The following CNPY2 variants were observed in gnomAD, a reference collection of about 807,000 sequenced individuals.
CNPY2 encodes the protein canopy FGF signaling regulator 2.
A neutral mutation model predicts 25.5 loss-of-function variants in CNPY2; 19 were observed. That is an observed-to-expected ratio of 0.74 (90% CI 0.52 to 1.09). The LOEUF is 1.09. Ranked by LOEUF, CNPY2 falls within the 50% of genes least tolerant of loss-of-function variation. The probability of loss-of-function intolerance (pLI) is 0.00; values close to 1 mark genes in which losing one functional copy is unlikely to be tolerated. For missense variants in CNPY2, 214 were observed against 233.6 expected (o/e 0.92, Z 0.55); for synonymous variants, 82 against 85.0 (o/e 0.96, Z 0.19).
In CNPY2 at chr12:56,311,025, A is replaced by C. The variant is rs1322283488; in HGVS notation, c.438T>G (p.Asp146Glu). ...CTCGGGAAAAGAATTCAATGAGTTC[A>C]TCCTCGTATTCCTCCACAATGCTCT... is the stretch of plus-strand genomic sequence containing the variant. ...ACESIVEEYEDELIEFFSREA... is the reference protein window; with the variant it reads ...ACESIVEEYEEELIEFFSREA... Residue 146 changes from aspartate (D) to glutamate (E), a missense_variant, in exon 5 of 6, where the codon GAT becomes GAG. Physicochemically the swap from Asp to Glu is conservative, Grantham distance 45. Coordinates refer to ENST00000273308, the MANE Select transcript of CNPY2 (RefSeq NM_014255.7). 1 of 1,614,198 alleles carries C rather than the reference A, an allele frequency of 6.2e-7. No homozygotes were observed. Among genetic ancestry groups the C allele is most frequent in the Non-Finnish European group, 8.5e-7 (1 of 1,180,048 alleles).
chr12:56,314,163 A>C (rs1873807088), intron 3 of CNPY2, among the ~76,000 whole-genome samples: 1 of 151,738 alleles, frequency 6.6e-6, no homozygotes, highest in Non-Finnish European at 1.5e-5. Context: ...TTGGCCTCCC[A>C]AAGTGCTGGG....
chr12:56,311,365 AT>A lies in CNPY2; in HGVS notation c.253del (p.Ile85TyrfsTer5). 4 of 1,614,084 alleles carry A rather than the reference AT, an allele frequency of 2.5e-6. No homozygotes were observed. Among genetic ancestry groups the A allele is most frequent in the Non-Finnish European group, 3.4e-6 (4 of 1,180,026 alleles). Reference sequence around the variant, plus strand: ...CCCATACTCCTTCATCCGGTCACATATCTCCTCCAGCAGCTCTGTGAGGTGG... The same window carrying A: ...CCCATACTCCTTCATCCGGTCACATACTCCTCCAGCAGCTCTGTGAGGTGG... ...EAHLTELLEE[I>X]CDRMKEYGEQ... On this transcript the variant is annotated frameshift_variant, in exon 4 of 6. Coordinates refer to ENST00000273308, the MANE Select transcript of CNPY2 (RefSeq NM_014255.7). LOFTEE classifies it high-confidence loss of function.
intron 3 of CNPY2, chr12:56,314,499 T>G: frequency 3.5e-6 from 4 of 1,143,844 alleles, no homozygotes; most frequent in Non-Finnish European, 4.3e-6. Flanking sequence ...CTTTTATTCT[T>G]ATTTCTGTTT....
chr12:56,310,535 T>C lies in CNPY2; in HGVS notation c.*17A>G, dbSNP rs1565627510. On this transcript the variant is annotated 3_prime_UTR_variant, in exon 6 of 6. Transcript: ENST00000273308. ...CTGGGGGTGATCCATCAAGCCAGTG[T>C]GGGCTGCTCCAGTGGTTCATAGCTC... is the stretch of plus-strand genomic sequence containing the variant. 1 of 1,613,994 alleles carries C rather than the reference T, an allele frequency of 6.2e-7. No homozygotes were observed. The highest frequency in any genetic ancestry group is 1.3e-5 in the African/African-American group (1 of 75,068).
intron 4 of CNPY2, 32 bp from the exon 5 acceptor site, chr12:56,311,086 G>A: frequency 6.2e-7 from 1 of 1,610,020 alleles, no homozygotes; most frequent in Non-Finnish European, 8.5e-7. Context: ...GGGTGACACA[G>A]GGCAATAAGA....
At chr12:56,313,646 C>T (rs760884105) in intron 3 of CNPY2, among the ~76,000 whole-genome samples, 1 of 150,232 alleles carries the variant, frequency 6.7e-6, no homozygotes, top group Non-Finnish European at 1.5e-5. Context: ...CGCTGTGTCG[C>T]CCAGGCTAGA....
At position 56,310,214 on chromosome 12, in the gene CNPY2, G is replaced by C; in HGVS notation, c.*338C>G. On this transcript the variant is annotated 3_prime_UTR_variant, in exon 6 of 6. Transcript: ENST00000273308. ...TTCTCCACAATTAGACTCTAAAGAC[G>C]TGGTATTGAGTGGGCACTGACTGAA... 1 of 601,662 alleles carries C rather than the reference G, an allele frequency of 1.7e-6. No individual in the cohort carries two copies. Among genetic ancestry groups the C allele is most frequent in the Admixed American group, 3.0e-5 (1 of 33,626 alleles). 37.3% of individuals were successfully genotyped at this position (601,662 alleles called of 1,614,324 possible).
At chr12:56,315,516 T>C (rs1873890949) in intron 1 of CNPY2, among the ~76,000 whole-genome samples, 1 of 152,202 alleles carries the variant, frequency 6.6e-6, no homozygotes, top group Non-Finnish European at 1.5e-5. Flanking sequence ...ACTTTAGCAC[T>C]GCATGCCTAG....
At chr12:56,312,067 G>A (rs1351667789) in intron 3 of CNPY2, 1 of 152,754 alleles carries the variant, frequency 6.5e-6, no homozygotes, top group Admixed American at 6.6e-5. Context: ...TTTTAGTAGA[G>A]ACGGGTTTCA....
At chr12:56,311,099 C>CA in intron 4 of CNPY2, 45 bp from the exon 5 acceptor site, 1 of 1,606,400 alleles carries the variant, frequency 6.2e-7, no homozygotes, top group Non-Finnish European at 8.5e-7. Context: ...CAATAAGAGG[C>CA]CTCTTGCCTT....
intron 3 of CNPY2, 128 bp downstream of exon 3, chr12:56,314,723 A>G (rs1295741278): frequency 2.0e-6 from 3 of 1,538,042 alleles, no homozygotes; most frequent in Non-Finnish European, 2.6e-6. Flanking sequence ...CTTCCAAATG[A>G]GACAGAGCCA....
chr12:56,312,412 G>C (rs1379833322), intron 3 of CNPY2: 1 of 151,402 alleles, frequency 6.6e-6, no homozygotes, highest in Non-Finnish European at 1.5e-5. Context: ...TGTAGAGACG[G>C]GGTCTTGCCA....
In CNPY2 at chr12:56,310,500, T is replaced by C; in HGVS notation, c.*52A>G. 1 of 1,582,168 alleles carries C rather than the reference T, an allele frequency of 6.3e-7. No homozygotes were observed. Among genetic ancestry groups the C allele is most frequent in the Non-Finnish European group, 8.7e-7 (1 of 1,151,486 alleles). ...TAATATATAAAAGGCATTGCCACCA[T>C]TTTCCCCTCCTGGGGGTGATCCATC... On this transcript the variant is annotated 3_prime_UTR_variant, in exon 6 of 6. Coordinates refer to ENST00000273308, the MANE Select transcript of CNPY2 (RefSeq NM_014255.7).
intron 3 of CNPY2, among the ~76,000 whole-genome samples, chr12:56,313,175 CCT>C (rs1475574989): frequency 6.6e-6 from 1 of 152,064 alleles, no homozygotes; most frequent in African/African-American, 2.4e-5. Context: ...CGTTCCCCTC[CCT>C]GTGTCCATGT....
chr12:56,314,076 T>C (rs1230845391), intron 3 of CNPY2, among the ~76,000 whole-genome samples: 1 of 152,108 alleles, frequency 6.6e-6, no homozygotes, highest in African/African-American at 2.4e-5. Context: ...TACTTTTTTG[T>C]ATTTTTAGTA....
intron 3 of CNPY2, chr12:56,311,727 T>G: frequency 2.7e-6 from 1 of 370,914 alleles, no homozygotes; most frequent in Non-Finnish European, 5.2e-6. Context: ...AACTTTTGTA[T>G]TTTTAGTAGA....
At position 56,310,598 on chromosome 12, in the gene CNPY2, G is replaced by A. The variant is rs199890306; in HGVS notation, c.506-3C>T. Reference sequence around the variant, plus strand: ...GTGCAGGGCATGGTCACAAAGATCTGCAAATGGCAAACAATTTAAAGGAAT... The same window carrying A: ...GTGCAGGGCATGGTCACAAAGATCTACAAATGGCAAACAATTTAAAGGAAT... On this transcript the variant is annotated splice_region_variant and splice_polypyrimidine_tract_variant and intron_variant, in intron 5 of 5. Transcript: ENST00000273308. 264 of 1,614,156 alleles carry A rather than the reference G, an allele frequency of 1.6e-4. No homozygotes were observed. Among genetic ancestry groups the A allele is most frequent in the Non-Finnish European group, 2.0e-4 (234 of 1,180,012 alleles).
intron 5 of CNPY2, 81 bp downstream of exon 5, chr12:56,310,877 G>T: frequency 7.8e-7 from 1 of 1,285,142 alleles, no homozygotes; most frequent in Non-Finnish European, 1.1e-6. Context: ...GAGGTTTCTG[G>T]GATGGGGGTG....
At chr12:56,314,710 C>T in intron 3 of CNPY2, 141 bp downstream of exon 3, 2 of 1,515,820 alleles carry the variant, frequency 1.3e-6, no homozygotes, top group African/African-American at 1.4e-5. Context: ...AAGCCTGCAG[C>T]TTCTTCCAAA....
Sources: allele counts gnomAD v4.1 joint callset (sites outside exome capture counted in the v4.1 genomes callset), GRCh38; gene constraint gnomAD v4.1.1; transcripts MANE v1.5; gene names NCBI Gene and HGNC (gene_info 2026-07-23, HGNC 2026-07-21).